LYPD6: variants seen among roughly 807,000 people sequenced by gnomAD.
LYPD6 encodes ly6/PLAUR domain-containing protein 6.
In LYPD6, 15 loss-of-function variants were observed where a neutral mutation model predicts 22.7. The observed-to-expected ratio is 0.66, with a 90% CI of 0.44 to 1.02. LYPD6 has a LOEUF of 1.02. Among genes scored for constraint, LYPD6 ranks in the 50% least tolerant of loss-of-function variants. The pLI is 0.00. For synonymous variants in LYPD6, 72 were observed against 77.5 expected, an observed-to-expected ratio of 0.93 and a Z score of 0.37; for missense variants, 189 against 208.4, an observed-to-expected ratio of 0.91 and a Z score of 0.57.
At chr2:149,437,383 C>G (rs1416119194) in intron 1 of LYPD6, among the ~76,000 whole-genome samples, 1 of 152,156 alleles carries the variant, frequency 6.6e-6, no homozygotes, top group Non-Finnish European at 1.5e-5. Context: ...AAAATTCAGT[C>G]TCTCTTGATA....
chr2:149,330,381 T>C (rs1680906568), upstream of LYPD6: 1 of 150,874 alleles, frequency 6.6e-6, no homozygotes, highest in South Asian at 2.1e-4. Flanking sequence ...GACTTGGCGC[T>C]CAGGCCGATT....
intron 1 of LYPD6, among the ~76,000 whole-genome samples, chr2:149,408,663 T>C (rs1425713655): frequency 6.6e-6 from 1 of 152,230 alleles, no homozygotes; most frequent in Non-Finnish European, 1.5e-5. Context: ...GTCTTCAAGC[T>C]CTGAAGTTCT....
At chr2:149,474,961 G>T (rs1205904535), downstream of LYPD6, among the ~76,000 whole-genome samples, 2 of 152,096 alleles carry the variant, frequency 1.3e-5, no homozygotes, top group African/African-American at 4.8e-5. Context: ...TAGAGACGGG[G>T]TTTCACCATG....
chr2:149,460,694 A>G (rs1681068722), intron 3 of LYPD6, among the ~76,000 whole-genome samples: 1 of 152,180 alleles, frequency 6.6e-6, no homozygotes, highest in Non-Finnish European at 1.5e-5. Context: ...ATGGTTTTCA[A>G]GTGACCATGG....
chr2:149,480,292 G>A, the LYPD6 span, among the ~76,000 whole-genome samples: 4 of 152,102 alleles, frequency 2.6e-5, no homozygotes, highest in Non-Finnish European at 5.9e-5. Flanking sequence ...TTACAGGCAT[G>A]AGCCACCACG....
chr2:149,483,133 G>A, the LYPD6 span, among the ~76,000 whole-genome samples: 1 of 152,074 alleles, frequency 6.6e-6, no homozygotes, highest in South Asian at 2.1e-4. Context: ...GGACCCCAGG[G>A]GACCCACTGG....
At chr2:149,442,143 G>T (rs1259917331) in intron 2 of LYPD6, among the ~76,000 whole-genome samples, 1 of 152,192 alleles carries the variant, frequency 6.6e-6, no homozygotes, top group African/African-American at 2.4e-5. Flanking sequence ...TAGATTTCTA[G>T]AATTTTTATA....
intron 3 of LYPD6, 41 bp downstream of exon 3, chr2:149,449,188 C>CCA: frequency 2.2e-6 from 3 of 1,389,688 alleles, no homozygotes; most frequent in Non-Finnish European, 3.0e-6. Flanking sequence ...CTGGGCTGTC[C>CCA]GTGAGTGAAC....
At chr2:149,444,689 T>C (rs1206522765) in intron 2 of LYPD6, among the ~76,000 whole-genome samples, 1 of 152,144 alleles carries the variant, frequency 6.6e-6, no homozygotes. Flanking sequence ...AGCCAACTCC[T>C]CATTCACTTA....
intron 3 of LYPD6, among the ~76,000 whole-genome samples, chr2:149,453,420 A>C (rs1457137131): frequency 6.6e-6 from 1 of 152,232 alleles, no homozygotes; most frequent in Non-Finnish European, 1.5e-5. Context: ...AGCTAAGCCA[A>C]AGACATTATG....
At chr2:149,480,542 C>T in the LYPD6 span, among the ~76,000 whole-genome samples, 1 of 151,986 alleles carries the variant, frequency 6.6e-6, no homozygotes. Flanking sequence ...CTTCCTTTCA[C>T]AGTGCTTTTC....
chr2:149,461,971 G>A (rs1414266056), intron 3 of LYPD6, among the ~76,000 whole-genome samples: 1 of 151,988 alleles, frequency 6.6e-6, no homozygotes, highest in Non-Finnish European at 1.5e-5. Context: ...ATGCATTCCT[G>A]CTAAGACAGA....
rs1240607084 is a variant in LYPD6, at chr2:149,470,857, AGTGGCTCCATG to A, written c.*8_*18del. On this transcript the variant is annotated 3_prime_UTR_variant, in exon 5 of 5. Transcript: ENST00000334166. Reference sequence around the variant, plus strand: ...GTTAGGGCTCATGTTATAGTGGCTCAGTGGCTCCATGTGTTAATAGCGATCCATGGGGATCT... The same window carrying A: ...GTTAGGGCTCATGTTATAGTGGCTCATGTTAATAGCGATCCATGGGGATCT... 6 of 1,607,956 alleles carry A rather than the reference AGTGGCTCCATG, an allele frequency of 3.7e-6. No individual in the cohort carries two copies. In the African/African-American group the frequency reaches 6.7e-5, roughly 18 times the overall value.
At chr2:149,395,762 G>C (rs905989583) in intron 1 of LYPD6, among the ~76,000 whole-genome samples, 1 of 152,120 alleles carries the variant, frequency 6.6e-6, no homozygotes, top group Non-Finnish European at 1.5e-5. Context: ...ATTGATTTTT[G>C]ATGAATCCAT....
Position 149,472,618 on chromosome 2 carries a change from T to C in LYPD6, c.*1768T>C, listed in dbSNP as rs1191402079. ...GGCTTATCAGTATGTTGCTTTTAAT[T>C]GGGGTGGGAAAGTAGAGGGAGAGAA... On this transcript the variant is annotated 3_prime_UTR_variant, in exon 5 of 5. Transcript: ENST00000334166. 1 of 152,602 alleles carries C rather than the reference T, an allele frequency of 6.6e-6. No homozygotes were observed. Among genetic ancestry groups the C allele is most frequent in the Non-Finnish European group, 1.5e-5 (1 of 68,046 alleles). The allele number at this position is 152,602 out of a possible 1,614,324, so 9.5% of individuals were successfully genotyped here.
intron 1 of LYPD6, among the ~76,000 whole-genome samples, chr2:149,398,487 T>C (rs1682477125): frequency 6.6e-6 from 1 of 151,992 alleles, no homozygotes; most frequent in South Asian, 2.1e-4. Flanking sequence ...TTTTGTCTCC[T>C]GGCTGTCCTG....
chr2:149,367,119 C>T (rs1681688422), intron 1 of LYPD6, among the ~76,000 whole-genome samples: 1 of 152,042 alleles, frequency 6.6e-6, no homozygotes, highest in Non-Finnish European at 1.5e-5. Context: ...AACAAATTGC[C>T]ACAAGTAAAA....
At chr2:149,452,908 C>G (rs1455312507) in intron 3 of LYPD6, among the ~76,000 whole-genome samples, 1 of 152,178 alleles carries the variant, frequency 6.6e-6, no homozygotes, top group Non-Finnish European at 1.5e-5. Context: ...CTCAGGTTCC[C>G]TGTCTCTCTT....
chr2:149,407,647 A>C (rs923910285), intron 1 of LYPD6, among the ~76,000 whole-genome samples: 43 of 152,174 alleles, frequency 2.8e-4, no homozygotes, highest in Admixed American at 3.3e-4. Flanking sequence ...AATTTTTTTC[A>C]AACTTTTCAA....
Sources: gnomAD v4.1 joint callset for allele counts (sites outside exome capture counted in the v4.1 genomes callset) on GRCh38, gnomAD v4.1.1 for gene constraint, MANE v1.5 for transcripts, NCBI Gene and HGNC (gene_info 2026-07-23, HGNC 2026-07-21) for gene names.